RBMS3: variants seen among roughly 807,000 people sequenced by gnomAD.
RBMS3 encodes RNA-binding motif, single-stranded-interacting protein 3.
Under a neutral mutation model 66.8 loss-of-function variants are expected in RBMS3, and 27 were observed. The observed-to-expected ratio is 0.40, with a 90% CI of 0.30 to 0.56. The LOEUF (loss-of-function observed/expected upper bound fraction) is 0.56, where lower values mean the gene tolerates loss of function less well. RBMS3 is among the 20% of genes least tolerant of loss of function. The pLI, the probability that RBMS3 is intolerant of heterozygous loss-of-function variation, is 0.40. For missense variants in RBMS3, 513 were observed against 549.5 expected, an observed-to-expected ratio of 0.93 and a Z score of 0.66; for synonymous variants, 188 against 183.0, an observed-to-expected ratio of 1.03 and a Z score of -0.22.
Position 29,739,733 on chromosome 3 carries a change from AC to A in RBMS3, c.416del (p.Pro139GlnfsTer22). On this transcript the variant is annotated frameshift_variant, in exon 5 of 15. Coordinates refer to ENST00000383767, the MANE Select transcript of RBMS3 (RefSeq NM_001003793.3). LOFTEE classifies it high-confidence loss of function. ...QAQMAKQQEQDPTNLYISNLP... is the reference protein window; with the variant it reads ...QAQMAKQQEQXPTNLYISNLP... ...TCCTTCCCTTAGCAACAAGAGCAAGACCCAACAAACCTATACATCTCAAATC... is the reference window on the plus strand; with the variant it reads ...TCCTTCCCTTAGCAACAAGAGCAAGACCAACAAACCTATACATCTCAAATC... 6.2e-7 allele frequency: 1 copy of A among 1,603,956 alleles called. No homozygotes were observed. The highest frequency in any genetic ancestry group is 8.5e-7 in the Non-Finnish European group (1 of 1,176,546).
At chr3:29,615,785 A>G (rs1055417127) in intron 4 of RBMS3, among the ~76,000 whole-genome samples, 3 of 152,308 alleles carry the variant, frequency 2.0e-5, no homozygotes, top group African/African-American at 7.2e-5. Flanking sequence ...GAAGATGGCA[A>G]GCTCATAACT....
At chr3:29,954,335 A>G (rs950240425) in intron 12 of RBMS3, among the ~76,000 whole-genome samples, 1 of 151,886 alleles carries the variant, frequency 6.6e-6, no homozygotes, top group Non-Finnish European at 1.5e-5. Flanking sequence ...TGGCCCATTT[A>G]TAGTTCAAAC....
intron 10 of RBMS3, among the ~76,000 whole-genome samples, chr3:29,922,151 A>G (rs2060799421): frequency 1.3e-5 from 2 of 152,230 alleles, no homozygotes; most frequent in African/African-American, 4.8e-5. Context: ...ATAGCTTGTT[A>G]AAGTTATTTA....
intron 1 of RBMS3, among the ~76,000 whole-genome samples, chr3:29,371,098 G>A (rs180891776): frequency 6.6e-6 from 1 of 152,338 alleles, no homozygotes; most frequent in African/African-American, 2.4e-5. Flanking sequence ...CCAAAACGCT[G>A]TGTTAAAAAT....
At chr3:29,463,105 G>C (rs548677943) in intron 2 of RBMS3, among the ~76,000 whole-genome samples, 26 of 152,222 alleles carry the variant, frequency 1.7e-4, no homozygotes, top group African/African-American at 6.3e-4. Flanking sequence ...AGAGGAGGGG[G>C]ACCTCATGGT....
At chr3:29,995,255 G>A (rs1342721502) in intron 14 of RBMS3, among the ~76,000 whole-genome samples, 3 of 152,222 alleles carry the variant, frequency 2.0e-5, no homozygotes, top group South Asian at 2.1e-4. Context: ...CAAGAAATAT[G>A]GGACTATGTG....
chr3:29,542,042 C>T (rs1223922409), intron 3 of RBMS3, among the ~76,000 whole-genome samples: 1 of 152,126 alleles, frequency 6.6e-6, no homozygotes, highest in East Asian at 1.9e-4. Flanking sequence ...TAGCATATCC[C>T]CATTATCAGT....
intron 14 of RBMS3, among the ~76,000 whole-genome samples, chr3:29,998,357 T>C (rs1462963701): frequency 6.6e-6 from 1 of 152,176 alleles, no homozygotes; most frequent in Non-Finnish European, 1.5e-5. Context: ...AATTGATAGA[T>C]TCAATGCCAT....
chr3:29,460,176 T>C (rs1001883723), intron 2 of RBMS3, among the ~76,000 whole-genome samples: 2 of 152,310 alleles, frequency 1.3e-5, no homozygotes, highest in African/African-American at 4.8e-5. Flanking sequence ...CGATACACCA[T>C]TGGTAGAAAT....
At chr3:29,912,957 G>C (rs1197557706) in intron 10 of RBMS3, among the ~76,000 whole-genome samples, 2 of 151,856 alleles carry the variant, frequency 1.3e-5, no homozygotes, top group African/African-American at 2.4e-5. Context: ...GCTCTCACAG[G>C]AGCCCAAGCA....
intron 4 of RBMS3, among the ~76,000 whole-genome samples, chr3:29,660,154 G>A (rs1294543283): frequency 6.6e-6 from 1 of 152,012 alleles, no homozygotes; most frequent in Non-Finnish European, 1.5e-5. Context: ...TGGGGTATTG[G>A]AGTCTCCAAC....
chr3:29,726,019 T>C (rs1354096800), intron 4 of RBMS3, among the ~76,000 whole-genome samples: 4 of 152,170 alleles, frequency 2.6e-5, no homozygotes, highest in East Asian at 1.9e-4. Context: ...CACAATCAAG[T>C]TGGCTTCATC....
chr3:29,459,247 C>T (rs895511780), intron 2 of RBMS3, among the ~76,000 whole-genome samples: 2 of 152,166 alleles, frequency 1.3e-5, no homozygotes, highest in African/African-American at 4.8e-5. Flanking sequence ...TGAAATTTCA[C>T]TCCCTCCCCT....
At chr3:29,532,924 T>C (rs1391338424) in intron 3 of RBMS3, among the ~76,000 whole-genome samples, 1 of 152,200 alleles carries the variant, frequency 6.6e-6, no homozygotes, top group Non-Finnish European at 1.5e-5. Context: ...ATTAAGCCAC[T>C]GGATACCTAT....
chr3:29,919,982 CTT>C (rs551027056), intron 10 of RBMS3, among the ~76,000 whole-genome samples: 98 of 152,244 alleles, frequency 6.4e-4, no homozygotes, highest in African/African-American at 2.3e-3. Flanking sequence ...CTCCAGAACT[CTT>C]TAGAAAAGCC....
intron 1 of RBMS3, among the ~76,000 whole-genome samples, chr3:29,287,277 G>A (rs553126873): frequency 6.6e-6 from 1 of 152,204 alleles, no homozygotes; most frequent in Admixed American, 6.5e-5. Context: ...GAATAGATCT[G>A]AAACCAATTC....
chr3:29,451,999 T>TTTTGCATGAACAAACACAAA (rs2042031990), intron 2 of RBMS3, among the ~76,000 whole-genome samples: 2 of 152,192 alleles, frequency 1.3e-5, no homozygotes, highest in Admixed American at 6.5e-5. Context: ...ATGAGGGATA[T>TTTTGCATGAACAAACACAAA]TTTGCATGAA....
intron 3 of RBMS3, among the ~76,000 whole-genome samples, chr3:29,508,466 C>T (rs889405793): frequency 2.6e-5 from 4 of 152,104 alleles, no homozygotes; most frequent in Admixed American, 2.0e-4. Context: ...GTTTTCTGTT[C>T]TTGTGTTAGT....
chr3:29,700,838 A>G (rs2052534586), intron 4 of RBMS3, among the ~76,000 whole-genome samples: 1 of 119,950 alleles, frequency 8.3e-6, no homozygotes, highest in South Asian at 3.4e-4. Context: ...TGGTTAGAGG[A>G]CACACGAGGG....
Sources: gnomAD v4.1 joint callset for allele counts (sites outside exome capture counted in the v4.1 genomes callset) on GRCh38, gnomAD v4.1.1 for gene constraint, MANE v1.5 for transcripts, NCBI Gene and HGNC (gene_info 2026-07-23, HGNC 2026-07-21) for gene names.